The following CNBD1 variants were observed in gnomAD, a reference collection of about 807,000 sequenced individuals.
CNBD1 encodes cyclic nucleotide-binding domain-containing protein 1.
A neutral mutation model predicts 54.4 loss-of-function variants in CNBD1; 71 were observed. The observed-to-expected ratio is 1.30, with a 90% CI of 1.08 to 1.59. The LOEUF (loss-of-function observed/expected upper bound fraction) is 1.59. Among genes scored for constraint, CNBD1 ranks in the 40% most tolerant of loss-of-function variants. The pLI is 0.00. For synonymous variants in CNBD1, 182 were observed against 170.7 expected (o/e 1.07, Z -0.51); for missense variants, 659 against 518.0 (o/e 1.27, Z -2.64).
intron 4 of CNBD1, among the ~76,000 whole-genome samples, chr8:87,057,150 C>T (rs1364188226): frequency 6.6e-6 from 1 of 152,168 alleles, no homozygotes; most frequent in Non-Finnish European, 1.5e-5. Context: ...ATTCGTTCGT[C>T]CTCATGCTTC....
intron 8 of CNBD1, among the ~76,000 whole-genome samples, chr8:87,341,608 T>C (rs1219199264): frequency 1.3e-5 from 2 of 152,230 alleles, no homozygotes; most frequent in African/African-American, 2.4e-5. Context: ...AATTGAATCA[T>C]GAGGGCTCCA....
intron 4 of CNBD1, among the ~76,000 whole-genome samples, chr8:87,161,602 A>C (rs868043928): frequency 6.6e-6 from 1 of 152,298 alleles, no homozygotes; most frequent in African/African-American, 2.4e-5. Context: ...TTTTAAAAAT[A>C]GGAAAGATAG....
At chr8:87,181,651 CA>C (rs1319047708) in intron 4 of CNBD1, among the ~76,000 whole-genome samples, 2 of 152,200 alleles carry the variant, frequency 1.3e-5, no homozygotes, top group Admixed American at 1.3e-4. Context: ...TATTGATCTT[CA>C]AAAAACCAAC....
At chr8:87,373,443 A>G (rs1810861176) in intron 10 of CNBD1, among the ~76,000 whole-genome samples, 1 of 151,848 alleles carries the variant, frequency 6.6e-6, no homozygotes. Flanking sequence ...CTAAACATGA[A>G]ACATTTTGAG....
intron 4 of CNBD1, among the ~76,000 whole-genome samples, chr8:87,190,199 C>G (rs1813568833): frequency 6.6e-6 from 1 of 152,110 alleles, no homozygotes; most frequent in Non-Finnish European, 1.5e-5. Context: ...GGGATTTTAG[C>G]TGTACAATTT....
intron 4 of CNBD1, among the ~76,000 whole-genome samples, chr8:86,941,494 A>T (rs1245785443): frequency 1.3e-5 from 2 of 152,198 alleles, no homozygotes; most frequent in Non-Finnish European, 1.5e-5. Flanking sequence ...GCTGGGCTGT[A>T]AGAGTTTTAA....
intron 3 of CNBD1, among the ~76,000 whole-genome samples, chr8:86,907,166 A>G (rs1463654490): frequency 6.6e-6 from 1 of 152,086 alleles, no homozygotes; most frequent in Non-Finnish European, 1.5e-5. Context: ...ACATTCATTT[A>G]TTTTACTGTT....
chr8:87,332,730 G>C (rs745710424), intron 8 of CNBD1, among the ~76,000 whole-genome samples: 1 of 152,058 alleles, frequency 6.6e-6, no homozygotes, highest in African/African-American at 2.4e-5. Flanking sequence ...ATGTTTCATT[G>C]GTCTGTATGT....
intron 4 of CNBD1, among the ~76,000 whole-genome samples, chr8:87,073,321 C>T (rs1191124560): frequency 2.0e-5 from 3 of 152,072 alleles, no homozygotes; most frequent in African/African-American, 4.8e-5. Flanking sequence ...CCATTTTAGC[C>T]TCAGCCCACT....
intron 8 of CNBD1, among the ~76,000 whole-genome samples, chr8:87,319,445 T>C (rs1809472748): frequency 6.6e-6 from 1 of 152,040 alleles, no homozygotes; most frequent in African/African-American, 2.4e-5. Context: ...CTTGCAGAAA[T>C]TTTACCTCAC....
At chr8:87,277,223 A>G (rs1808501443) in intron 6 of CNBD1, among the ~76,000 whole-genome samples, 1 of 151,784 alleles carries the variant, frequency 6.6e-6, no homozygotes, top group African/African-American at 2.4e-5. Context: ...ATAGAGCCAG[A>G]AAGAGCTAAT....
intron 5 of CNBD1, among the ~76,000 whole-genome samples, chr8:87,206,660 C>T (rs10101912): frequency 0.054 from 8,285 of 152,100 alleles, 312 homozygotes; most frequent in Non-Finnish European, 0.082. Flanking sequence ...TTTTCATTTC[C>T]CAATTTTAGC....
At position 86,877,430 on chromosome 8, in the gene CNBD1, G is replaced by A. The variant is rs192945411; in HGVS notation, c.89-10112G>A. 8.5e-4 allele frequency among the ~76,000 whole-genome samples: 130 copies of A among 152,234 alleles called. No homozygotes were observed. In the Middle Eastern group the frequency reaches 0.017, roughly 20 times the overall value. On this transcript the variant is annotated intron_variant, in intron 1 of 10. Transcript: ENST00000518476. ...AATTTGATATCCAAATAATATCTCT[G>A]AGGTTTCATATTTATTAGTTGGGGA...
chr8:87,361,026 T>C (rs374665414), intron 10 of CNBD1, among the ~76,000 whole-genome samples: 4 of 151,932 alleles, frequency 2.6e-5, no homozygotes, highest in Admixed American at 6.6e-5. Context: ...ATTATCCTTG[T>C]TAAATTAACA....
chr8:87,397,503 T>C (rs1232294702), intron 2 of CNBD1, among the ~76,000 whole-genome samples: 1 of 151,946 alleles, frequency 6.6e-6, no homozygotes, highest in Non-Finnish European at 1.5e-5. Flanking sequence ...AATTTACCTC[T>C]ACTAATGGCA....
intron 4 of CNBD1, among the ~76,000 whole-genome samples, chr8:87,029,889 AAGGCACATATAGGTGCCTATGAC>A (rs1160514073): frequency 1.3e-5 from 2 of 152,168 alleles, no homozygotes; most frequent in African/African-American, 4.8e-5. Flanking sequence ...CTAAAATGCA[AAGGCACATATAGGTGCCTATGAC>A]AGGCACATAT....
At chr8:87,081,318 T>C (rs560277263) in intron 4 of CNBD1, among the ~76,000 whole-genome samples, 1 of 152,246 alleles carries the variant, frequency 6.6e-6, no homozygotes, top group Non-Finnish European at 1.5e-5. Flanking sequence ...TAGCTATCTT[T>C]CTGGTGTGTA....
intron 1 of CNBD1, among the ~76,000 whole-genome samples, chr8:86,884,580 C>G (rs995757697): frequency 6.6e-6 from 1 of 152,144 alleles, no homozygotes; most frequent in African/African-American, 2.4e-5. Context: ...ACATACTCCT[C>G]CCTGTAATTA....
intron 4 of CNBD1, among the ~76,000 whole-genome samples, chr8:86,997,710 C>T (rs1301104866): frequency 6.6e-6 from 1 of 152,108 alleles, no homozygotes; most frequent in Non-Finnish European, 1.5e-5. Flanking sequence ...TTGCAGTAGC[C>T]TTCAGGTTCC....
Sources: gnomAD v4.1 joint callset for allele counts (sites outside exome capture counted in the v4.1 genomes callset) on GRCh38, gnomAD v4.1.1 for gene constraint, MANE v1.5 for transcripts, NCBI Gene and HGNC (gene_info 2026-07-23, HGNC 2026-07-21) for gene names.